Variants in CLASP1 observed in about 807,000 individuals in gnomAD.
CLASP1 encodes the protein cytoplasmic linker associated protein 1.
In CLASP1, 38 loss-of-function variants were observed where a neutral mutation model predicts 192.3. The observed-to-expected ratio is 0.20, with a 90% CI of 0.15 to 0.26. The LOEUF (loss-of-function observed/expected upper bound fraction) is 0.26. CLASP1 is among the 10% of genes least tolerant of loss of function. CLASP1 has a pLI of 1.00. For synonymous variants in CLASP1, 691 were observed against 712.8 expected (o/e 0.97, Z 0.49); for missense variants, 1,433 against 1,932.5 (o/e 0.74, Z 4.85).
intron 1 of CLASP1, among the ~76,000 whole-genome samples, chr2:121,621,650 T>C (rs1288720765): frequency 6.6e-6 from 1 of 152,256 alleles, no homozygotes; most frequent in Non-Finnish European, 1.5e-5. Context: ...TGGATTCTCA[T>C]TCTATGCCAT....
rs377033976 is a variant in CLASP1, at chr2:121,481,911, AAC to A, written c.713-11953_713-11952del. Among the ~76,000 whole-genome samples, 39 of 152,332 alleles carry A rather than the reference AAC, an allele frequency of 2.6e-4. No individual in the cohort carries two copies. The East Asian group carries it at 7.1e-3, about 28-fold the overall frequency. On this transcript the variant is annotated intron_variant, in intron 8 of 39. Transcript: ENST00000263710. ...ACTCTGGAGTGCAGTCCAACGTGGG[AAC>A]ACACACAATCAACAGCATGTAGGAT...
exon 40 of CLASP1, chr2:121,340,809 T>C (rs2062691015): frequency 7.1e-7 from 1 of 1,405,180 alleles, no homozygotes; most frequent in African/African-American, 1.4e-5. Flanking sequence ...GAAAGGTCTC[T>C]GAGAGGCACC....
At chr2:121,365,455 C>T (rs938471067) in intron 35 of CLASP1, among the ~76,000 whole-genome samples, 171 bp from the exon 37 acceptor site, 3 of 152,220 alleles carry the variant, frequency 2.0e-5, no homozygotes, top group Non-Finnish European at 2.9e-5. Context: ...CCTCAGCCTA[C>T]ACACCCTCCA....
chr2:121,467,935 G>A (rs529335354), intron 9 of CLASP1, among the ~76,000 whole-genome samples: 3 of 152,260 alleles, frequency 2.0e-5, no homozygotes, highest in Non-Finnish European at 2.9e-5. Context: ...ATACATTTAC[G>A]TCTTTCATCC....
intron 8 of CLASP1, chr2:121,490,147 A>G: frequency 2.9e-6 from 1 of 342,742 alleles, no homozygotes; most frequent in Non-Finnish European, 5.7e-6. Context: ...AACAACATTC[A>G]TAACAATCTT....
intron 2 of CLASP1, among the ~76,000 whole-genome samples, chr2:121,553,513 C>A: frequency 3.1e-5 from 1 of 32,152 alleles, no homozygotes; most frequent in East Asian, 9.6e-4. Context: ...ACCATCCTGG[C>A]CAACATGGTG....
chr2:121,535,000 T>C (rs2095012471), intron 2 of CLASP1, among the ~76,000 whole-genome samples: 1 of 152,184 alleles, frequency 6.6e-6, no homozygotes, highest in South Asian at 2.1e-4. Flanking sequence ...GAGTGTGGTG[T>C]CTCACGCCTG....
chr2:121,521,339 G>A (rs894235299), intron 6 of CLASP1, among the ~76,000 whole-genome samples: 1 of 152,068 alleles, frequency 6.6e-6, no homozygotes, highest in Non-Finnish European at 1.5e-5. Context: ...TGAACCTTTC[G>A]ATATGAAAGT....
chr2:121,581,080 T>C (rs886566669), intron 2 of CLASP1, among the ~76,000 whole-genome samples: 1 of 152,102 alleles, frequency 6.6e-6, no homozygotes, highest in Non-Finnish European at 1.5e-5. Context: ...ATTCACTTTG[T>C]TTACCTGTGT....
chr2:121,349,023 G>A (rs375282977), intron 37 of CLASP1, among the ~76,000 whole-genome samples: 2 of 152,196 alleles, frequency 1.3e-5, no homozygotes, highest in South Asian at 2.1e-4. Context: ...GGCGGATCAC[G>A]AGGTCAGGAG....
intron 8 of CLASP1, among the ~76,000 whole-genome samples, chr2:121,478,662 CCCCCACACACACCACACACACA>C (rs2091992470): frequency 2.6e-5 from 2 of 76,296 alleles, no homozygotes; most frequent in East Asian, 4.1e-4. Context: ...ACACACACAC[CCCCCACACACACCACACACACA>C]CCCCACACAC....
chr2:121,404,968 T>A (rs1277734879), intron 25 of CLASP1, among the ~76,000 whole-genome samples: 1 of 152,166 alleles, frequency 6.6e-6, no homozygotes, highest in Non-Finnish European at 1.5e-5. Context: ...ACAGCATGTG[T>A]TTCAGGGTCA....
chr2:121,639,727 G>A (rs1239912757), intron 1 of CLASP1, among the ~76,000 whole-genome samples: 1 of 151,924 alleles, frequency 6.6e-6, no homozygotes, highest in Non-Finnish European at 1.5e-5. Flanking sequence ...GCCAGGCATG[G>A]TGGCGCATGC....
chr2:121,630,122 GT>G (rs2069207211), intron 1 of CLASP1, among the ~76,000 whole-genome samples: 1 of 151,910 alleles, frequency 6.6e-6, no homozygotes, highest in African/African-American at 2.4e-5. Context: ...ATTTCACCAT[GT>G]TGGCCAGGCT....
chr2:121,419,937 A>G (rs1397190112), intron 22 of CLASP1, among the ~76,000 whole-genome samples: 1 of 152,186 alleles, frequency 6.6e-6, no homozygotes. Context: ...ATTGTTTGAG[A>G]GCAAAGATTT....
Position 121,530,237 on chromosome 2 carries a change from C to T in CLASP1, c.274+10G>A, listed in dbSNP as rs767276016. 1.9e-6 allele frequency: 3 copies of T among 1,545,708 alleles called. No individual in the cohort carries two copies. Among genetic ancestry groups the T allele is most frequent in the South Asian group, 2.4e-5 (2 of 83,702 alleles). ...GGGGCCGGGTCCGCTCCACAAGTGCCGCAGCTCACCTGTGCCGATCTGCGC... is the reference window on the plus strand; with the variant it reads ...GGGGCCGGGTCCGCTCCACAAGTGCTGCAGCTCACCTGTGCCGATCTGCGC... On this transcript the variant is annotated intron_variant, in intron 3 of 39. Transcript: ENST00000263710.
intron 2 of CLASP1, among the ~76,000 whole-genome samples, chr2:121,531,831 G>A: frequency 6.6e-6 from 1 of 151,630 alleles, no homozygotes; most frequent in East Asian, 1.9e-4. Flanking sequence ...TCGGGCCACT[G>A]CACTCCAGCC....
intron 2 of CLASP1, among the ~76,000 whole-genome samples, chr2:121,552,886 C>A (rs952753560): frequency 2.0e-5 from 3 of 152,186 alleles, no homozygotes; most frequent in Admixed American, 2.0e-4. Flanking sequence ...AAGACACATG[C>A]ATGTGTATGT....
At chr2:121,385,288 C>T (rs1052124795) in intron 32 of CLASP1, among the ~76,000 whole-genome samples, 1 of 152,160 alleles carries the variant, frequency 6.6e-6, no homozygotes, top group Non-Finnish European at 1.5e-5. Context: ...GCTATTTACA[C>T]ACTGAATGAC....
Sources: allele counts gnomAD v4.1 joint callset (sites outside exome capture counted in the v4.1 genomes callset), GRCh38; gene constraint gnomAD v4.1.1; transcripts MANE v1.5; gene names NCBI Gene and HGNC (gene_info 2026-07-23, HGNC 2026-07-21).